SEPTIN4: variants seen among roughly 807,000 people sequenced by gnomAD.
SEPTIN4 encodes septin 4, also known as septin-4.
SEPTIN4 carries 52 observed loss-of-function variants against 107.1 expected under a neutral mutation model. That is an observed-to-expected ratio of 0.49 (90% CI 0.39 to 0.61). The LOEUF (loss-of-function observed/expected upper bound fraction) is 0.61, where lower values mean the gene tolerates loss of function less well. SEPTIN4 is among the 20% of genes least tolerant of loss of function. The pLI is 0.00. For missense variants in SEPTIN4, 1,048 were observed against 1,243.5 expected, an observed-to-expected ratio of 0.84 and a Z score of 2.36; for synonymous variants, 417 against 467.0, an observed-to-expected ratio of 0.89 and a Z score of 1.38.
In SEPTIN4 at chr17:58,521,717, C is replaced by A. The variant is rs1011665545; in HGVS notation, c.2469+19G>T. 2 of 1,614,236 alleles carry A rather than the reference C, an allele frequency of 1.2e-6. No homozygotes were observed. The highest frequency in any genetic ancestry group is 1.7e-6 in the Non-Finnish European group (2 of 1,180,046). Reference sequence around the variant, plus strand: ...TCTAGAAGCCCACCTGATCCCCTCCCACCACCAGCTTCCCTCACTTTGCGT... The same window carrying A: ...TCTAGAAGCCCACCTGATCCCCTCCAACCACCAGCTTCCCTCACTTTGCGT... On this transcript the variant is annotated intron_variant, in intron 9 of 13. Transcript: ENST00000672673. This position sits in a 1 kb window ranked among gnomAD's most constrained non-coding sequence, Gnocchi z 6.4.
rs1297320552 is a variant in SEPTIN4 at position 58,522,970 on chromosome 17, T to C, written c.2217-869A>G. On this transcript the variant is annotated intron_variant, in intron 7 of 13. Coordinates refer to ENST00000672673, the MANE Select transcript of SEPTIN4 (RefSeq NM_001368771.2). ...ACCTCAATTTTCATATCCTTTGCTC[T>C]TCTATTATCTTGTTTAATCCTCACT... Among the ~76,000 whole-genome samples the C allele has an allele frequency of 1.3e-4, 20 of 152,346 alleles. No homozygotes were observed. In the East Asian group the frequency reaches 3.7e-3, roughly 28 times the overall value.
chr17:58,522,759 G>A (rs1021854021), intron 7 of SEPTIN4, among the ~76,000 whole-genome samples: 12 of 151,878 alleles, frequency 7.9e-5, no homozygotes, highest in African/African-American at 2.9e-4. Context: ...GGTTTCCAGT[G>A]TAACCTCAGA....
intron 7 of SEPTIN4, chr17:58,524,461 G>C (rs2042608954): frequency 6.6e-6 from 1 of 152,034 alleles, no homozygotes; most frequent in Non-Finnish European, 1.5e-5. Flanking sequence ...AATGTTGCTA[G>C]TGAAAGGAAA....
At position 58,527,940 on chromosome 17, in the gene SEPTIN4, C is replaced by G. The variant is rs1252124763; in HGVS notation, c.1615-962G>C. On this transcript the variant is annotated intron_variant, in intron 3 of 13. Coordinates refer to ENST00000672673, the MANE Select transcript of SEPTIN4 (RefSeq NM_001368771.2). Reference sequence around the variant, plus strand: ...CTGTAGAAGCCTGTTCTACCCCATCCTCAGCTCAGAAGAGGAACTGTTTCC... The same window carrying G: ...CTGTAGAAGCCTGTTCTACCCCATCGTCAGCTCAGAAGAGGAACTGTTTCC... The G allele has an allele frequency of 2.4e-5, 24 of 985,638 alleles. No individual in the cohort carries two copies. The Admixed American group carries it at 1.5e-3, about 61-fold the overall frequency. 61.1% of individuals were successfully genotyped at this position (985,638 alleles called of 1,614,324 possible).
At position 58,543,226 on chromosome 17, in the gene SEPTIN4, C is replaced by T. The variant is rs373119715; in HGVS notation, c.961G>A (p.Val321Met). 70 of 1,613,996 alleles carry T rather than the reference C, an allele frequency of 4.3e-5. No individual in the cohort carries two copies. The highest frequency in any genetic ancestry group is 6.7e-5 in the Admixed American group (4 of 60,006). ...CTGTTTCCTCGGATTGGGGTCCTCACGTTGGACTCCACCTGTGATGATACT... is the reference window on the plus strand; with the variant it reads ...CTGTTTCCTCGGATTGGGGTCCTCATGTTGGACTCCACCTGTGATGATACT... ...VLVSSQVESNVRTPIRGNSEV... is the reference protein window; with the variant it reads ...VLVSSQVESNMRTPIRGNSEV... The change falls in exon 1 of 14, where the codon GTG becomes ATG. Residue 321 changes from valine (V) to methionine (M), a missense_variant. Val to Met is a conservative substitution (Grantham distance 21). Transcript: ENST00000672673.
chr17:58,543,263 G>A lies in SEPTIN4; in HGVS notation c.924C>T (p.Ser308=), dbSNP rs374889238. Residue 308 remains serine, a synonymous_variant, in exon 1 of 14, where the codon TCC becomes TCT. Transcript: ENST00000672673. Reference sequence around the variant, plus strand: ...CCTGTGATGATACTAAGACCTTTGCGGAGGGCTTGGTTTCAGGATAGGCAG... The same window carrying A: ...CCTGTGATGATACTAAGACCTTTGCAGAGGGCTTGGTTTCAGGATAGGCAG... ...KYSAYPETKP[S]AKVLVSSQVE... 135 of 1,614,158 alleles carry A rather than the reference G, an allele frequency of 8.4e-5. No individual in the cohort carries two copies. The highest frequency in any genetic ancestry group is 1.1e-4 in the Non-Finnish European group (124 of 1,180,034).
rs529811036 is a variant in SEPTIN4 at position 58,525,763 on chromosome 17, T to C, written c.2024A>G (p.Lys675Arg). 1.2e-6 allele frequency: 2 copies of C among 1,614,148 alleles called. No individual in the cohort carries two copies. Among genetic ancestry groups the C allele is most frequent in the South Asian group, 1.1e-5 (1 of 91,078 alleles). Reference protein sequence around the residue: ...LMVAGESGLGKSTLVNSLFLT... With the variant: ...LMVAGESGLGRSTLVNSLFLT... ...GAAGAGGCTATTGACAAGTGTGGAT[T>C]TGCCCAGGCCAGACTCTCCTGAGAG... The change falls in exon 6 of 14, where the codon AAA (lysine) becomes AGA (arginine). Residue 675 changes from lysine (K) to arginine (R), a missense_variant. Around this residue, in one of 2 missense-constraint regions of SEPTIN4, gnomAD observed 787 missense variants for 871.8 expected, o/e 0.90. Transcript: ENST00000672673.
chr17:58,521,880 T>C lies in SEPTIN4; in HGVS notation c.2352-27A>G, dbSNP rs2042312886. ...TGGGGAACAGGAACCTGTGACCACC[T>C]GCTAGTGGCAGCCCTGCCCCTGGTG... is the stretch of plus-strand genomic sequence containing the variant. On this transcript the variant is annotated intron_variant, in intron 8 of 13. Transcript: ENST00000672673. The surrounding 1 kb of genome is among the most constrained non-coding windows in gnomAD (Gnocchi z 6.4). 5.6e-6 allele frequency: 9 copies of C among 1,614,244 alleles called. No individual in the cohort carries two copies. In the East Asian group the frequency reaches 1.6e-4, roughly 28 times the overall value.
At chr17:58,537,035 C>T (rs117558455) in intron 3 of SEPTIN4, among the ~76,000 whole-genome samples, 211 of 152,350 alleles carry the variant, frequency 1.4e-3, no homozygotes, top group Non-Finnish European at 2.4e-3. Context: ...TGAAAATACA[C>T]CAAAAAGTCC....
At chr17:58,528,930 G>T (rs772863400) in intron 3 of SEPTIN4, among the ~76,000 whole-genome samples, 1 of 152,178 alleles carries the variant, frequency 6.6e-6, no homozygotes, top group African/African-American at 2.4e-5. Flanking sequence ...CTGCTCATCC[G>T]CATGGAGGGG....
At chr17:58,541,874 C>T in intron 2 of SEPTIN4, 48 bp downstream of exon 2, 1 of 1,614,162 alleles carries the variant, frequency 6.2e-7, no homozygotes, top group Non-Finnish European at 8.5e-7. Context: ...CCTGTCCTCC[C>T]ATCCCCCAAG....
chr17:58,522,012 T>C lies in SEPTIN4; in HGVS notation c.2306A>G (p.Asn769Ser). 1.2e-6 allele frequency: 2 copies of C among 1,614,134 alleles called. No individual in the cohort carries two copies. Among genetic ancestry groups the C allele is most frequent in the South Asian group, 1.1e-5 (1 of 91,078 alleles). Residue 769 changes from asparagine (N) to serine (S), a missense_variant, in exon 8 of 14, where the codon AAC (asparagine) becomes AGC (serine). Physicochemically the swap from Asn to Ser is conservative, Grantham distance 46. Coordinates refer to ENST00000672673, the MANE Select transcript of SEPTIN4 (RefSeq NM_001368771.2). Reference sequence around the variant, plus strand: ...GAAGTACAGGCAGCAGTGCACCCTGTTGTCTTGGATGTTCTTTCGGTTCAG... The same window carrying C: ...GAAGTACAGGCAGCAGTGCACCCTGCTGTCTTGGATGTTCTTTCGGTTCAG... ...SGLNRKNIQD[N>S]RVHCCLYFIS...
At chr17:58,533,162 G>A (rs2043582678) in intron 3 of SEPTIN4, among the ~76,000 whole-genome samples, 1 of 152,222 alleles carries the variant, frequency 6.6e-6, no homozygotes, top group African/African-American at 2.4e-5. Flanking sequence ...ACTCAGCCAG[G>A]GGAGGGAAGA....
At chr17:58,540,571 C>T in intron 3 of SEPTIN4, 95 bp downstream of exon 3, 2 of 1,020,096 alleles carry the variant, frequency 2.0e-6, no homozygotes, top group Non-Finnish European at 2.6e-6. Flanking sequence ...GCTCTGTCTC[C>T]CTCCATGCCC....
At chr17:58,525,414 G>A in intron 6 of SEPTIN4, 1 of 641,098 alleles carries the variant, frequency 1.6e-6, no homozygotes, top group Non-Finnish European at 2.7e-6. Flanking sequence ...TCTGGCCCCA[G>A]CCTCTTCTCT....
At chr17:58,527,753 G>A (rs2043084322) in intron 3 of SEPTIN4, 1 of 799,488 alleles carries the variant, frequency 1.3e-6, no homozygotes, top group African/African-American at 1.9e-5. Context: ...GGAAAGGCTG[G>A]GCCTCCAGAG....
chr17:58,540,592 C>G (rs1026484176), intron 3 of SEPTIN4, 74 bp downstream of exon 3: 2 of 1,216,588 alleles, frequency 1.6e-6, no homozygotes, highest in African/African-American at 3.2e-5. Flanking sequence ...ACTCCCATTA[C>G]AGGACAGGAG....
At position 58,544,200 on chromosome 17, in the gene SEPTIN4, C is replaced by A; in HGVS notation, c.-14G>T. On this transcript the variant is annotated 5_prime_UTR_variant, in exon 1 of 14. Transcript: ENST00000672673. The stretch of plus-strand genomic sequence containing the variant: ...TGTCTTGACCATCTGATAGATTGTG[C>A]CCTTCTGAGTAGATCCCGTATTTTA... The A allele has an allele frequency of 6.3e-7, 1 of 1,599,998 alleles. No homozygotes were observed. The highest frequency in any genetic ancestry group is 8.5e-7 in the Non-Finnish European group (1 of 1,173,072).
At chr17:58,529,510 C>T in intron 3 of SEPTIN4, 2 of 781,254 alleles carry the variant, frequency 2.6e-6, no homozygotes, top group South Asian at 1.2e-4. Flanking sequence ...CTGGTGGGCA[C>T]AGCACCAACC....
Sources: allele counts gnomAD v4.1 joint callset (sites outside exome capture counted in the v4.1 genomes callset), GRCh38; gene constraint gnomAD v4.1.1; regional missense constraint gnomAD v4.1.1; non-coding constraint Gnocchi (gnomAD v3.1); transcripts MANE v1.5; gene names NCBI Gene and HGNC (gene_info 2026-07-23, HGNC 2026-07-21).